The following EPB41L3 variants were observed in gnomAD, a reference collection of about 807,000 sequenced individuals.
The protein encoded by EPB41L3 is band 4.1-like protein 3.
A neutral mutation model predicts 127.1 loss-of-function variants in EPB41L3; 57 were observed. That is an observed-to-expected ratio of 0.45 (90% CI 0.36 to 0.56). The LOEUF (loss-of-function observed/expected upper bound fraction) is 0.56. EPB41L3 is among the 20% of genes least tolerant of loss of function. The pLI is 0.00. For missense variants in EPB41L3, 1,273 were observed against 1,372.2 expected (o/e 0.93, Z 1.14); for synonymous variants, 572 against 549.5 (o/e 1.04, Z -0.57).
intron 1 of EPB41L3, among the ~76,000 whole-genome samples, chr18:5,514,402 A>G (rs1009544463): frequency 2.0e-5 from 3 of 152,246 alleles, no homozygotes; most frequent in Non-Finnish European, 4.4e-5. Flanking sequence ...ATCACATTGC[A>G]TAAGTGGTAA....
At chr18:5,590,315 G>T (rs567059383) in intron 3 of EPB41L3, among the ~76,000 whole-genome samples, 4 of 152,108 alleles carry the variant, frequency 2.6e-5, no homozygotes, top group African/African-American at 7.2e-5. Context: ...AGTACCAAGG[G>T]TCTGTTCCTT....
chr18:5,625,366 G>A (rs773764539), intron 1 of EPB41L3, among the ~76,000 whole-genome samples: 5 of 151,932 alleles, frequency 3.3e-5, no homozygotes, highest in Admixed American at 6.6e-5. Flanking sequence ...ACCACACCAC[G>A]GGGACCCTGA....
chr18:5,502,189 A>G (rs2091806246), intron 1 of EPB41L3, among the ~76,000 whole-genome samples: 1 of 152,180 alleles, frequency 6.6e-6, no homozygotes, highest in Non-Finnish European at 1.5e-5. Context: ...TACAGGTGTG[A>G]TGTTCCATTT....
intron 3 of EPB41L3, among the ~76,000 whole-genome samples, chr18:5,596,500 G>A (rs2094538081): frequency 6.6e-6 from 1 of 152,082 alleles, no homozygotes; most frequent in Non-Finnish European, 1.5e-5. Context: ...TCTTAAGCAG[G>A]TCTCCTATGA....
chr18:5,397,148 T>C lies in EPB41L3; in HGVS notation c.2751A>G (p.Glu917=), dbSNP rs373883429. The C allele has an allele frequency of 3.7e-6, 6 of 1,614,226 alleles. No individual in the cohort carries two copies. The African/African-American group carries it at 8.0e-5, about 22-fold the overall frequency. The change falls in exon 18 of 23, where the codon GAA becomes GAG. Residue 917 remains glutamate (E), a synonymous_variant. Transcript: ENST00000341928. This position sits in a 1 kb window ranked among gnomAD's most constrained non-coding sequence, Gnocchi z 4.1. ...EEVAKAVLEQ[E]ETAAASRERQ... ...GCTCACGGGAAGCAGCGGCTGTCTC[T>C]TCCTGTTCCAGGACAGCTTTAGCGA...
chr18:5,493,627 C>T (rs1198263976), intron 1 of EPB41L3, among the ~76,000 whole-genome samples: 2 of 151,956 alleles, frequency 1.3e-5, no homozygotes, highest in African/African-American at 2.4e-5. Flanking sequence ...CAAAAAGAAA[C>T]CAAAACAACC....
intron 11 of EPB41L3, 50 bp from the exon 12 acceptor site, chr18:5,419,927 T>C (rs747496815): frequency 2.5e-6 from 4 of 1,613,790 alleles, no homozygotes; most frequent in Admixed American, 3.3e-5. Flanking sequence ...TTTCATTCAC[T>C]GATGCTAAAA....
chr18:5,497,285 T>C (rs1384371886), intron 1 of EPB41L3, among the ~76,000 whole-genome samples: 1 of 152,172 alleles, frequency 6.6e-6, no homozygotes, highest in Non-Finnish European at 1.5e-5. Flanking sequence ...TAGGGTCTTA[T>C]GGATGCTTTT....
chr18:5,497,943 G>A (rs541283139), intron 1 of EPB41L3, among the ~76,000 whole-genome samples: 3 of 152,234 alleles, frequency 2.0e-5, no homozygotes, highest in Non-Finnish European at 2.9e-5. Context: ...TTTAGTCTCC[G>A]TAAAATTTTA....
intron 1 of EPB41L3, among the ~76,000 whole-genome samples, chr18:5,505,419 G>A (rs1393584390): frequency 6.6e-6 from 1 of 151,574 alleles, no homozygotes; most frequent in East Asian, 1.9e-4. Flanking sequence ...CCACGCTTTC[G>A]CCTCTGTCCC....
chr18:5,408,616 G>A (rs2075808436), intron 14 of EPB41L3, among the ~76,000 whole-genome samples: 1 of 151,636 alleles, frequency 6.6e-6, no homozygotes, highest in South Asian at 2.1e-4. Flanking sequence ...ATTTGGGAGG[G>A]GAGAAGACAA....
At chr18:5,432,235 C>A (rs1422422729) in intron 8 of EPB41L3, among the ~76,000 whole-genome samples, 2 of 152,212 alleles carry the variant, frequency 1.3e-5, no homozygotes, top group African/African-American at 4.8e-5. Context: ...GAGCTCCCTG[C>A]AATGGGTCCG....
chr18:5,613,628 C>T (rs1442440498), intron 2 of EPB41L3, among the ~76,000 whole-genome samples: 1 of 152,132 alleles, frequency 6.6e-6, no homozygotes, highest in Non-Finnish European at 1.5e-5. Context: ...TATACTGAGA[C>T]CTTATTTGCC....
At chr18:5,592,942 G>C (rs1370503118) in intron 3 of EPB41L3, among the ~76,000 whole-genome samples, 4 of 152,172 alleles carry the variant, frequency 2.6e-5, no homozygotes, top group Non-Finnish European at 5.9e-5. Context: ...GTATCTGTCA[G>C]CATCTTTCCA....
chr18:5,522,756 A>T (rs542697261), intron 1 of EPB41L3, among the ~76,000 whole-genome samples: 3 of 152,170 alleles, frequency 2.0e-5, no homozygotes, highest in Non-Finnish European at 2.9e-5. Context: ...GGCAAATCTT[A>T]AACAATGAAA....
At chr18:5,491,164 G>A (rs1277401742) in intron 1 of EPB41L3, among the ~76,000 whole-genome samples, 1 of 152,108 alleles carries the variant, frequency 6.6e-6, no homozygotes, top group Non-Finnish European at 1.5e-5. Context: ...TAAAGACAAA[G>A]CCACTCACCC....
At chr18:5,462,384 T>C (rs1008809053) in intron 3 of EPB41L3, among the ~76,000 whole-genome samples, 8 of 152,212 alleles carry the variant, frequency 5.3e-5, no homozygotes, top group Non-Finnish European at 1.2e-4. Flanking sequence ...TCAAAGAGCA[T>C]GACAACACTC....
At chr18:5,501,907 T>C (rs1015786471) in intron 1 of EPB41L3, among the ~76,000 whole-genome samples, 16 of 152,208 alleles carry the variant, frequency 1.1e-4, no homozygotes, top group Non-Finnish European at 5.9e-5. Flanking sequence ...AAGGTGCTGA[T>C]GAGAGGATTC....
intron 1 of EPB41L3, among the ~76,000 whole-genome samples, chr18:5,531,506 T>C (rs2093408937): frequency 6.6e-6 from 1 of 152,046 alleles, no homozygotes; most frequent in Non-Finnish European, 1.5e-5. Context: ...GCAGATCACT[T>C]GAGGCCAGGA....
Sources: allele counts gnomAD v4.1 joint callset (sites outside exome capture counted in the v4.1 genomes callset), GRCh38; gene constraint gnomAD v4.1.1; non-coding constraint Gnocchi (gnomAD v3.1); transcripts MANE v1.5; gene names NCBI Gene and HGNC (gene_info 2026-07-23, HGNC 2026-07-21).